The following TUSC3 variants were observed in gnomAD, a reference collection of about 807,000 sequenced individuals.
TUSC3 encodes tumor suppressor candidate 3.
In TUSC3, 45 loss-of-function variants were observed where a neutral mutation model predicts 44.8. The observed-to-expected ratio is 1.00, with a 90% confidence interval of 0.79 to 1.29. The LOEUF is 1.29. TUSC3 is among the 50% of genes most tolerant of loss of function. The pLI is 0.00. For missense variants in TUSC3, 519 were observed against 437.9 expected, an observed-to-expected ratio of 1.19 and a Z score of -1.65; for synonymous variants, 212 against 152.9, an observed-to-expected ratio of 1.39 and a Z score of -2.85.
chr8:15,728,165 C>T (rs927864395), intron 6 of TUSC3, among the ~76,000 whole-genome samples: 1 of 152,078 alleles, frequency 6.6e-6, no homozygotes, highest in East Asian at 1.9e-4. Flanking sequence ...ATGTTTTTCT[C>T]ACACATCTGA....
intron 6 of TUSC3, among the ~76,000 whole-genome samples, chr8:15,678,855 C>T (rs1010369893): frequency 4.6e-5 from 7 of 152,152 alleles, no homozygotes; most frequent in Admixed American, 2.6e-4. Context: ...GTTTAGCTCC[C>T]ACTTGTGAGA....
intron 6 of TUSC3, among the ~76,000 whole-genome samples, chr8:15,684,809 C>T (rs1398730942): frequency 6.6e-6 from 1 of 152,094 alleles, no homozygotes; most frequent in East Asian, 1.9e-4. Flanking sequence ...TTCTCTAGCC[C>T]CTGGATGTAA....
intron 1 of TUSC3, among the ~76,000 whole-genome samples, chr8:15,468,505 C>G (rs1563259132): frequency 6.6e-6 from 1 of 152,136 alleles, no homozygotes; most frequent in Admixed American, 6.6e-5. Context: ...GATTAGATGT[C>G]TGTTTCCCTC....
intron 1 of TUSC3, among the ~76,000 whole-genome samples, chr8:15,601,524 T>A (rs1331316533): frequency 6.6e-6 from 1 of 151,716 alleles, no homozygotes; most frequent in Non-Finnish European, 1.5e-5. Context: ...TTTGGTTGTT[T>A]TAGAAGTTAA....
intron 1 of TUSC3, among the ~76,000 whole-genome samples, chr8:15,464,491 G>T (rs1225613134): frequency 6.6e-6 from 1 of 152,106 alleles, no homozygotes; most frequent in Non-Finnish European, 1.5e-5. Context: ...TTGCTTTCAT[G>T]ATGCTTTCTA....
intron 1 of TUSC3, among the ~76,000 whole-genome samples, chr8:15,444,913 A>G (rs1800072565): frequency 6.6e-6 from 1 of 152,080 alleles, no homozygotes; most frequent in Non-Finnish European, 1.5e-5. Context: ...CCTGGAAGGG[A>G]GGTAAGAGCA....
At chr8:15,754,775 A>G (rs1020053397) in intron 9 of TUSC3, among the ~76,000 whole-genome samples, 1 of 137,828 alleles carries the variant, frequency 7.3e-6, no homozygotes, top group Non-Finnish European at 1.7e-5. Context: ...AACCGTGATC[A>G]TAATTGTCTT....
At chr8:15,742,627 C>CTGTT (rs1434108457) in intron 7 of TUSC3, among the ~76,000 whole-genome samples, 1 of 152,158 alleles carries the variant, frequency 6.6e-6, no homozygotes, top group African/African-American at 2.4e-5. Context: ...TTCATTGATG[C>CTGTT]TGTTTATACA....
chr8:15,467,927 T>G (rs1280065975), intron 1 of TUSC3, among the ~76,000 whole-genome samples: 1 of 152,172 alleles, frequency 6.6e-6, no homozygotes, highest in African/African-American at 2.4e-5. Context: ...TTTAACTTTA[T>G]GTTATACAAA....
At chr8:15,821,871 C>T in the TUSC3 span, among the ~76,000 whole-genome samples, 4 of 152,154 alleles carry the variant, frequency 2.6e-5, no homozygotes, top group African/African-American at 9.6e-5. Context: ...AACTAAATTC[C>T]CAAATTCTGT....
intron 5 of TUSC3, among the ~76,000 whole-genome samples, chr8:15,664,437 T>TTTATTATTATTATTA (rs56049201): frequency 2.1e-5 from 3 of 143,870 alleles, no homozygotes; most frequent in Non-Finnish European, 4.6e-5. Flanking sequence ...GTTATACAGA[T>TTTATTATTATTATTA]TTATTATTAT....
chr8:15,775,647 T>G, the TUSC3 span, among the ~76,000 whole-genome samples: 2 of 113,220 alleles, frequency 1.8e-5, no homozygotes, highest in Non-Finnish European at 3.7e-5. Context: ...TATATATATA[T>G]ATACACACAC....
chr8:15,686,406 A>C (rs1475687706), intron 6 of TUSC3, among the ~76,000 whole-genome samples: 1 of 152,126 alleles, frequency 6.6e-6, no homozygotes, highest in Non-Finnish European at 1.5e-5. Context: ...TGTGAGTAAA[A>C]CTAAGCGTTA....
At chr8:15,768,931 G>A (rs147713525), downstream of TUSC3, among the ~76,000 whole-genome samples, 2,852 of 152,050 alleles carry the variant, frequency 0.019, 34 homozygotes, top group Middle Eastern at 0.034. Context: ...AATAAGAGAG[G>A]ACACAAATGG....
chr8:15,572,511 A>T (rs906207287), intron 1 of TUSC3, among the ~76,000 whole-genome samples: 2 of 152,140 alleles, frequency 1.3e-5, no homozygotes, highest in African/African-American at 4.8e-5. Flanking sequence ...CTTACCATTG[A>T]TGTGTTCACT....
At chr8:15,738,690 T>C (rs957869216) in intron 7 of TUSC3, among the ~76,000 whole-genome samples, 4 of 152,168 alleles carry the variant, frequency 2.6e-5, no homozygotes, top group African/African-American at 9.6e-5. Flanking sequence ...TTACTGTTTT[T>C]ATCTTTCATT....
At chr8:15,685,890 G>T (rs1401140580) in intron 6 of TUSC3, among the ~76,000 whole-genome samples, 2 of 77,588 alleles carry the variant, frequency 2.6e-5, no homozygotes, top group Non-Finnish European at 5.0e-5. Context: ...AGTGGTATTT[G>T]TAAGGCTAGT....
At chr8:15,480,808 C>T (rs1178239663) in intron 1 of TUSC3, among the ~76,000 whole-genome samples, 3 of 152,194 alleles carry the variant, frequency 2.0e-5, no homozygotes, top group African/African-American at 7.2e-5. Context: ...AAGTCTCTAT[C>T]TCCAAATATA....
At chr8:15,842,642 C>A in the TUSC3 span, among the ~76,000 whole-genome samples, 1 of 152,238 alleles carries the variant, frequency 6.6e-6, no homozygotes, top group South Asian at 2.1e-4. Context: ...AATTACGAAC[C>A]TCAGAGCTTA....
Sources: gnomAD v4.1 joint callset for allele counts (sites outside exome capture counted in the v4.1 genomes callset) on GRCh38, gnomAD v4.1.1 for gene constraint, MANE v1.5 for transcripts, NCBI Gene and HGNC (gene_info 2026-07-23, HGNC 2026-07-21) for gene names.